PTPRG: variants seen among roughly 807,000 people sequenced by gnomAD.
The protein encoded by PTPRG is protein tyrosine phosphatase receptor type G.
PTPRG carries 102 observed loss-of-function variants against 165.3 expected under a neutral mutation model. The observed-to-expected ratio is 0.62, with a 90% CI of 0.53 to 0.73. The LOEUF (loss-of-function observed/expected upper bound fraction) is 0.73. Ranked by LOEUF, PTPRG falls within the 30% of genes least tolerant of loss-of-function variation. PTPRG has a pLI of 0.00. For synonymous variants in PTPRG, 675 were observed against 669.5 expected (o/e 1.01, Z -0.13); for missense variants, 1,866 against 1,861.4 (o/e 1.00, Z -0.05).
rs1455732837 is a variant in PTPRG at position 61,562,129 on chromosome 3, T to C, written c.-159T>C. ...ATTTTCCGGGGGGCGCTCGGCGGCT[T>C]CCCGGATTCCAAGGGGACTCGGGCC... is the stretch of plus-strand genomic sequence containing the variant. On this transcript the variant is annotated 5_prime_UTR_variant, in exon 1 of 30. Coordinates refer to ENST00000474889, the MANE Select transcript of PTPRG (RefSeq NM_002841.4). The C allele has an allele frequency of 1.8e-6, 1 of 570,714 alleles. No individual in the cohort carries two copies. The highest frequency in any genetic ancestry group is 3.1e-5 in the East Asian group (1 of 32,278). 35.4% of individuals were successfully genotyped at this position (570,714 alleles called of 1,614,324 possible).
intron 2 of PTPRG, among the ~76,000 whole-genome samples, chr3:61,777,631 G>A (rs1013205452): frequency 6.6e-6 from 1 of 152,190 alleles, no homozygotes; most frequent in African/African-American, 2.4e-5. Context: ...AAAGAGTGGT[G>A]TAAAGCCAGG....
At chr3:61,737,772 A>G (rs777975076) in intron 1 of PTPRG, among the ~76,000 whole-genome samples, 3 of 151,070 alleles carry the variant, frequency 2.0e-5, no homozygotes, top group Non-Finnish European at 4.4e-5. Context: ...GGTGTTTTCT[A>G]CCATCTACCA....
At chr3:61,917,245 C>G (rs970367064) in intron 2 of PTPRG, among the ~76,000 whole-genome samples, 2 of 152,192 alleles carry the variant, frequency 1.3e-5, no homozygotes, top group Non-Finnish European at 2.9e-5. Flanking sequence ...CCTGCAGTGG[C>G]TCACATCAGT....
intron 16 of PTPRG, chr3:62,260,718 G>A (rs1336174264): frequency 6.6e-6 from 1 of 152,080 alleles, no homozygotes; most frequent in Non-Finnish European, 1.5e-5. Context: ...ACTTTGAAAT[G>A]GCAGTTCTGA....
chr3:62,223,076 C>T (rs1201486099), intron 13 of PTPRG, among the ~76,000 whole-genome samples: 5 of 151,970 alleles, frequency 3.3e-5, no homozygotes, highest in Admixed American at 3.3e-4. Flanking sequence ...GGAGAAAAAG[C>T]CTGGCCTACT....
chr3:62,061,942 C>A (rs1390319513), intron 4 of PTPRG, among the ~76,000 whole-genome samples: 1 of 151,734 alleles, frequency 6.6e-6, no homozygotes, highest in Non-Finnish European at 1.5e-5. Context: ...CTGGCTTTCT[C>A]TTGATGCCAA....
At chr3:61,871,359 A>G (rs585943) in intron 2 of PTPRG, among the ~76,000 whole-genome samples, 205 of 152,124 alleles carry the variant, frequency 1.3e-3, no homozygotes, top group African/African-American at 4.5e-3. Context: ...TCCCAAGTAG[A>G]TGGGACCAAG....
intron 5 of PTPRG, chr3:62,124,390 C>T: frequency 6.2e-7 from 1 of 1,613,600 alleles, no homozygotes; most frequent in Non-Finnish European, 8.5e-7. Context: ...TCTGCAGGTC[C>T]AAGATGTAGT....
chr3:61,738,284 A>ATGTATGTG (rs1559583185), intron 1 of PTPRG, among the ~76,000 whole-genome samples: 1 of 78,162 alleles, frequency 1.3e-5, no homozygotes, highest in Non-Finnish European at 2.5e-5. Flanking sequence ...ATATACATAT[A>ATGTATGTG]TATATATATA....
chr3:61,888,977 G>A (rs983085506), intron 2 of PTPRG, among the ~76,000 whole-genome samples: 5 of 152,196 alleles, frequency 3.3e-5, no homozygotes, highest in African/African-American at 1.2e-4. Flanking sequence ...ATAATTATTA[G>A]TGATATTGTG....
At chr3:62,003,543 T>G (rs2107723262) in intron 4 of PTPRG, 46 bp downstream of exon 4, 1 of 1,604,040 alleles carries the variant, frequency 6.2e-7, no homozygotes, top group Non-Finnish European at 8.5e-7. Flanking sequence ...CTTCGGTCTT[T>G]ATGTTAATCA....
intron 2 of PTPRG, among the ~76,000 whole-genome samples, chr3:61,933,166 G>T (rs1260034338): frequency 3.3e-5 from 5 of 152,146 alleles, no homozygotes; most frequent in Non-Finnish European, 7.3e-5. Context: ...AAATAGTGGA[G>T]CTGGGGTCTA....
chr3:61,880,170 C>T (rs915613009), intron 2 of PTPRG, among the ~76,000 whole-genome samples: 1 of 152,172 alleles, frequency 6.6e-6, no homozygotes, highest in East Asian at 1.9e-4. Context: ...AAATACCAGG[C>T]ATAATTGATG....
intron 1 of PTPRG, among the ~76,000 whole-genome samples, chr3:61,606,073 C>T (rs1374157285): frequency 2.6e-5 from 4 of 152,246 alleles, no homozygotes; most frequent in Non-Finnish European, 5.9e-5. Flanking sequence ...CAATCTAAAA[C>T]AACACACATT....
chr3:61,585,748 A>G, intron 1 of PTPRG, among the ~76,000 whole-genome samples: 1 of 152,256 alleles, frequency 6.6e-6, no homozygotes, highest in Admixed American at 6.5e-5. Flanking sequence ...CCGTGTCTCA[A>G]AAGAAAACAA....
intron 6 of PTPRG, among the ~76,000 whole-genome samples, chr3:62,152,408 C>G (rs1395028069): frequency 1.3e-5 from 2 of 152,086 alleles, no homozygotes; most frequent in Non-Finnish European, 2.9e-5. Flanking sequence ...ACGTTTTCAG[C>G]TGAAAAGTGC....
chr3:62,121,326 G>C (rs754732846), intron 5 of PTPRG, among the ~76,000 whole-genome samples: 1 of 151,970 alleles, frequency 6.6e-6, no homozygotes, highest in Non-Finnish European at 1.5e-5. Context: ...GGATGTGTTA[G>C]GAACTGTGCT....
In PTPRG at chr3:62,203,486, C is replaced by T. The variant is rs761095761; in HGVS notation, c.1691C>T (p.Pro564Leu). ...ATTEALASPG[P>L]DGDSSPTKDG... ...ACAGAGGCCTTGGCTTCTCCAGGGC[C>T]CGATGGTGATTCGTCACCAACCAAG... Residue 564 changes from proline (P) to leucine (L), a missense_variant, in exon 12 of 30, where the codon CCC (proline) becomes CTC (leucine). Pro to Leu is a moderately conservative substitution (Grantham distance 98). Transcript: ENST00000474889. The surrounding 1 kb of genome is among the most constrained non-coding windows in gnomAD (Gnocchi z 6.4). 22 of 1,570,768 alleles carry T rather than the reference C, an allele frequency of 1.4e-5. No individual in the cohort carries two copies. Among genetic ancestry groups the T allele is most frequent in the Middle Eastern group, 1.7e-4 (1 of 6,036 alleles).
chr3:62,199,890 A>G (rs907732386), intron 10 of PTPRG, among the ~76,000 whole-genome samples: 8 of 152,374 alleles, frequency 5.3e-5, no homozygotes, highest in Non-Finnish European at 1.2e-4. Context: ...AAAATGTGCT[A>G]TATACACACA....
Sources: allele counts gnomAD v4.1 joint callset (sites outside exome capture counted in the v4.1 genomes callset), GRCh38; gene constraint gnomAD v4.1.1; non-coding constraint Gnocchi (gnomAD v3.1); transcripts MANE v1.5; gene names NCBI Gene and HGNC (gene_info 2026-07-23, HGNC 2026-07-21).